TBC1D22B: variants seen among roughly 807,000 people sequenced by gnomAD.
TBC1D22B encodes the protein TBC1 domain family member 22B.
Under a neutral mutation model 69.1 loss-of-function variants are expected in TBC1D22B, and 32 were observed. That is an observed-to-expected ratio of 0.46 (90% CI 0.35 to 0.62). TBC1D22B has a LOEUF of 0.62. Among genes scored for constraint, TBC1D22B ranks in the 20% least tolerant of loss-of-function variants. The pLI is 0.00. For synonymous variants in TBC1D22B, 206 were observed against 229.8 expected (o/e 0.90, Z 0.94); for missense variants, 462 against 630.9 (o/e 0.73, Z 2.87).
intron 12 of TBC1D22B, among the ~76,000 whole-genome samples, chr6:37,320,230 TAC>T (rs1768200659): frequency 6.6e-6 from 1 of 152,186 alleles, no homozygotes; most frequent in Non-Finnish European, 1.5e-5. Flanking sequence ...TGCAGAGTAG[TAC>T]AGTGGTTAAA....
At chr6:37,290,836 A>AG (rs1767155882) in intron 7 of TBC1D22B, among the ~76,000 whole-genome samples, 1 of 152,132 alleles carries the variant, frequency 6.6e-6, no homozygotes, top group African/African-American at 2.4e-5. Flanking sequence ...ACCAAAAAAA[A>AG]AAAAATTTAG....
At position 37,331,257 on chromosome 6, in the gene TBC1D22B, G is replaced by A. The variant is rs868186229; in HGVS notation, c.*85G>A. On this transcript the variant is annotated 3_prime_UTR_variant, in exon 13 of 13. Coordinates refer to ENST00000373491, the MANE Select transcript of TBC1D22B (RefSeq NM_017772.4). ...GGCCACTGTGCGAGCCGTGGACCCC[G>A]GCCAGGAACCACTCCTGTTGTACAA... 24 of 1,428,270 alleles carry A rather than the reference G, an allele frequency of 1.7e-5. No individual in the cohort carries two copies. The East Asian group carries it at 2.3e-4, about 14-fold the overall frequency. The allele number at this position is 1,428,270 out of a possible 1,614,324, so 88.5% of individuals were successfully genotyped here. A position where few individuals can be genotyped will look rare whatever the true frequency, so the allele number is the denominator to read the frequency against.
In TBC1D22B at chr6:37,282,390, G is replaced by A. The variant is rs1180896162; in HGVS notation, c.601+26G>A. ...GTGAGTCCCTGTGAGCCCAGGCAAG[G>A]TAGGAGCTTTGGGTGACTGGAATTC... On this transcript the variant is annotated intron_variant, in intron 4 of 12. Transcript: ENST00000373491. 3.2e-6 allele frequency: 5 copies of A among 1,556,874 alleles called. No individual in the cohort carries two copies. The South Asian group carries it at 6.1e-5, about 19-fold the overall frequency.
At chr6:37,269,120 T>C (rs1422799782) in intron 1 of TBC1D22B, among the ~76,000 whole-genome samples, 1 of 152,230 alleles carries the variant, frequency 6.6e-6, no homozygotes, top group African/African-American at 2.4e-5. Context: ...TATGGCTAAA[T>C]TATTTTACTT....
chr6:37,296,783 CACACACACAT>C (rs1275921074), intron 8 of TBC1D22B, among the ~76,000 whole-genome samples: 1 of 151,802 alleles, frequency 6.6e-6, no homozygotes. Context: ...TATATGTATA[CACACACACAT>C]ACACACACGT....
intron 8 of TBC1D22B, among the ~76,000 whole-genome samples, chr6:37,297,576 G>A (rs1272824729): frequency 6.6e-6 from 1 of 152,160 alleles, no homozygotes; most frequent in East Asian, 1.9e-4. Context: ...ACTTGGTGGT[G>A]TCTCAACTTC....
At chr6:37,295,229 T>G (rs1767324950) in intron 8 of TBC1D22B, among the ~76,000 whole-genome samples, 1 of 152,094 alleles carries the variant, frequency 6.6e-6, no homozygotes, top group African/African-American at 2.4e-5. Context: ...CTCAGCCTTC[T>G]GAGTAGGTGG....
intron 1 of TBC1D22B, 32 bp from the exon 2 acceptor site, chr6:37,269,558 AAACT>A (rs759237803): frequency 3.5e-5 from 57 of 1,610,584 alleles, no homozygotes; most frequent in Middle Eastern, 1.6e-4. Flanking sequence ...TTTCCTAACT[AAACT>A]AACTATTTCT....
Position 37,331,242 on chromosome 6 carries a change from C to A in TBC1D22B, c.*70C>A. 1 of 1,531,242 alleles carries A rather than the reference C, an allele frequency of 6.5e-7. No individual in the cohort carries two copies. The highest frequency in any genetic ancestry group is 9.0e-7 in the Non-Finnish European group (1 of 1,112,128). The allele number at this position is 1,531,242 out of a possible 1,614,324, so 94.9% of individuals were successfully genotyped here. ...CAGTCTGATCACTGTGGCCACTGTG[C>A]GAGCCGTGGACCCCGGCCAGGAACC... On this transcript the variant is annotated 3_prime_UTR_variant, in exon 13 of 13. Coordinates refer to ENST00000373491, the MANE Select transcript of TBC1D22B (RefSeq NM_017772.4).
intron 12 of TBC1D22B, among the ~76,000 whole-genome samples, chr6:37,325,520 A>G (rs1371713905): frequency 6.9e-6 from 1 of 144,524 alleles, no homozygotes; most frequent in Non-Finnish European, 1.5e-5. Flanking sequence ...TTCATCCCCC[A>G]GCCATAATTA....
rs1405998734 is a variant in TBC1D22B at position 37,312,964 on chromosome 6, G to A, written c.1029G>A (p.Met343Ile). The change falls in exon 9 of 13, where the codon ATG becomes ATA. Residue 343 changes from methionine to isoleucine, a missense_variant. This residue lies in a region of TBC1D22B where 225 missense variants were observed against 375.4 expected (regional missense o/e 0.60). Transcript: ENST00000373491. Reference sequence around the variant, plus strand: ...ACGTGACCAACTTGTCTCAAGACATGCTGCGAAGCATTGAGGCTGACAGCT... The same window carrying A: ...ACGTGACCAACTTGTCTCAAGACATACTGCGAAGCATTGAGGCTGACAGCT... ...NFDVTNLSQD[M>I]LRSIEADSFW... The A allele has an allele frequency of 2.5e-6, 4 of 1,614,114 alleles. No individual in the cohort carries two copies. The Admixed American group carries it at 6.7e-5, about 27-fold the overall frequency.
intron 12 of TBC1D22B, among the ~76,000 whole-genome samples, chr6:37,321,856 A>C (rs1768253810): frequency 6.6e-6 from 1 of 152,160 alleles, no homozygotes; most frequent in Non-Finnish European, 1.5e-5. Context: ...CTGAGACACA[A>C]GAAGTGTTCT....
intron 2 of TBC1D22B, among the ~76,000 whole-genome samples, chr6:37,277,761 C>T (rs1766711096): frequency 6.6e-6 from 1 of 152,002 alleles, no homozygotes; most frequent in South Asian, 2.1e-4. Flanking sequence ...AGCCACTGTG[C>T]CTGGCCACTC....
intron 8 of TBC1D22B, among the ~76,000 whole-genome samples, chr6:37,304,279 C>T (rs528841917): frequency 1.2e-4 from 19 of 152,344 alleles, no homozygotes; most frequent in African/African-American, 4.3e-4. Context: ...GACAAAAACC[C>T]TGCCTTCTAC....
intron 2 of TBC1D22B, among the ~76,000 whole-genome samples, chr6:37,270,225 G>A (rs1190098325): frequency 2.6e-5 from 4 of 152,182 alleles, no homozygotes; most frequent in South Asian, 4.1e-4. Context: ...GCTGAGGCAG[G>A]TGGATTACTT....
intron 1 of TBC1D22B, among the ~76,000 whole-genome samples, chr6:37,261,099 A>G (rs1766082563): frequency 6.6e-6 from 1 of 152,174 alleles, no homozygotes. Context: ...TAGCACATCA[A>G]ATGGTCATTG....
At chr6:37,314,132 CCTTCAGCAGCTCT>C (rs1227973737) in intron 10 of TBC1D22B, among the ~76,000 whole-genome samples, 1 of 152,204 alleles carries the variant, frequency 6.6e-6, no homozygotes, top group Non-Finnish European at 1.5e-5. Flanking sequence ...TATCGGTTCT[CCTTCAGCAGCTCT>C]CTTCAGTACG....
intron 8 of TBC1D22B, among the ~76,000 whole-genome samples, chr6:37,296,889 C>G (rs182971859): frequency 6.6e-6 from 1 of 151,900 alleles, no homozygotes; most frequent in African/African-American, 2.4e-5. Context: ...TGCAGTGGCA[C>G]GATCTCAGCT....
At chr6:37,290,269 G>C (rs1357872136) in intron 7 of TBC1D22B, among the ~76,000 whole-genome samples, 1 of 152,094 alleles carries the variant, frequency 6.6e-6, no homozygotes, top group Admixed American at 6.5e-5. Flanking sequence ...CCTATCATCT[G>C]CATGTACTCA....
Sources: gnomAD v4.1 joint callset for allele counts (sites outside exome capture counted in the v4.1 genomes callset) on GRCh38, gnomAD v4.1.1 for gene constraint, gnomAD v4.1.1 regional missense constraint, MANE v1.5 for transcripts, NCBI Gene and HGNC (gene_info 2026-07-23, HGNC 2026-07-21) for gene names.